ZFP82: variants seen among roughly 807,000 people sequenced by gnomAD.
ZFP82 encodes the protein ZFP82 zinc finger protein.
A neutral mutation model predicts 54.0 loss-of-function variants in ZFP82; 30 were observed. The observed-to-expected ratio is 0.56, with a 90% CI of 0.42 to 0.75. ZFP82 has a LOEUF of 0.75. Among genes scored for constraint, ZFP82 ranks in the 30% least tolerant of loss-of-function variants. The pLI is 0.00. For synonymous variants in ZFP82, 194 were observed against 209.5 expected (o/e 0.93, Z 0.64); for missense variants, 500 against 636.8 (o/e 0.79, Z 2.31).
chr19:36,388,266 T>C (rs1447134448), downstream of ZFP82, among the ~76,000 whole-genome samples: 3 of 152,212 alleles, frequency 2.0e-5, no homozygotes, highest in African/African-American at 7.2e-5. Flanking sequence ...TTAAGTAAAA[T>C]TGGCCCACAT....
chr19:36,408,618 G>A (rs971629417), intron 2 of ZFP82, among the ~76,000 whole-genome samples: 11 of 152,046 alleles, frequency 7.2e-5, no homozygotes, highest in African/African-American at 2.7e-4. Context: ...TCGGGAGTTC[G>A]AGACCAGCCT....
chr19:36,406,478 T>C (rs1165500119), intron 3 of ZFP82, among the ~76,000 whole-genome samples: 2 of 152,224 alleles, frequency 1.3e-5, no homozygotes, highest in Non-Finnish European at 2.9e-5. Flanking sequence ...GGGCATTTCA[T>C]ATAAATAGAA....
At position 36,415,563 on chromosome 19, in the gene ZFP82, T is replaced by C. The variant is rs375839443; in HGVS notation, c.-79+2929A>G. On this transcript the variant is annotated intron_variant, in intron 1 of 4. Transcript: ENST00000392161. ...CCACTGTGCCCAGCTAATTTTTCTA[T>C]TTTTAGTAGAGACAGGTTTTACCAT... Among the ~76,000 whole-genome samples the C allele has an allele frequency of 1.8e-4, 27 of 152,244 alleles. No homozygotes were observed. In the South Asian group the frequency reaches 5.4e-3, roughly 30 times the overall value.
At chr19:36,410,002 CAT>C in intron 1 of ZFP82, 135 bp from the exon 2 acceptor site, 1 of 541,014 alleles carries the variant, frequency 1.8e-6, no homozygotes. Context: ...CGCACACACA[CAT>C]AGGCAGAGAG....
At chr19:36,395,713 C>G (rs2032281575) in intron 4 of ZFP82, 3 of 148,726 alleles carry the variant, frequency 2.0e-5, no homozygotes, top group African/African-American at 7.5e-5. Context: ...AATCTAGACA[C>G]AAAACTAGGA....
chr19:36,417,216 G>A (rs2032688764), intron 1 of ZFP82, among the ~76,000 whole-genome samples: 1 of 151,600 alleles, frequency 6.6e-6, no homozygotes, highest in African/African-American at 2.4e-5. Context: ...GAAGGCTGAT[G>A]TAGAATTGCT....
intron 4 of ZFP82, among the ~76,000 whole-genome samples, chr19:36,402,559 TACAA>T (rs1361370035): frequency 1.3e-5 from 2 of 151,522 alleles, no homozygotes; most frequent in African/African-American, 2.4e-5. Flanking sequence ...GATAGAACAT[TACAA>T]ACAGTGTAGG....
At chr19:36,413,780 T>C (rs1183953954) in intron 1 of ZFP82, among the ~76,000 whole-genome samples, 1 of 152,224 alleles carries the variant, frequency 6.6e-6, no homozygotes, top group Non-Finnish European at 1.5e-5. Flanking sequence ...CCTTATAGGG[T>C]TGTTGTGAAG....
chr19:36,409,346 G>C (rs1011905549), intron 2 of ZFP82, among the ~76,000 whole-genome samples: 1 of 151,794 alleles, frequency 6.6e-6, no homozygotes, highest in Non-Finnish European at 1.5e-5. Context: ...AGCTTCATTG[G>C]AGCCTCAAAC....
At position 36,418,634 on chromosome 19, in the gene ZFP82, C is replaced by A. The variant is rs1212673875; in HGVS notation, c.-221G>T. On this transcript the variant is annotated 5_prime_UTR_variant, in exon 1 of 5. Coordinates refer to ENST00000392161, the MANE Select transcript of ZFP82 (RefSeq NM_133466.4). ...AGCCGCTGCCGGGTCACGCCACAAT[C>A]CCCGGGGCCTAACGGGCTGCGCGCG... 2 of 152,426 alleles carry A rather than the reference C, an allele frequency of 1.3e-5. No homozygotes were observed. The highest frequency in any genetic ancestry group is 2.9e-5 in the Non-Finnish European group (2 of 68,200). 9.4% of individuals were successfully genotyped at this position (152,426 alleles called of 1,614,324 possible).
chr19:36,402,139 G>A (rs557842664), intron 4 of ZFP82, among the ~76,000 whole-genome samples: 3 of 152,246 alleles, frequency 2.0e-5, no homozygotes, highest in African/African-American at 7.2e-5. Flanking sequence ...GTTAATAATT[G>A]CAAATGTCAT....
At position 36,409,768 on chromosome 19, in the gene ZFP82, G is replaced by GA. The variant is rs1006027784; in HGVS notation, c.9+12dup. 11 of 1,613,570 alleles carry GA rather than the reference G, an allele frequency of 6.8e-6. No individual in the cohort carries two copies. The highest frequency in any genetic ancestry group is 9.3e-6 in the Non-Finnish European group (11 of 1,179,722). On this transcript the variant is annotated intron_variant, in intron 2 of 4. Coordinates refer to ENST00000392161, the MANE Select transcript of ZFP82 (RefSeq NM_133466.4). Reference sequence around the variant, plus strand: ...TAACATGATAGTATTCCTAGGAGGAGAAAAAAACTTACAAGGGCCATGGTA... The same window carrying GA: ...TAACATGATAGTATTCCTAGGAGGAGAAAAAAAACTTACAAGGGCCATGGTA...
At chr19:36,386,658 C>T (rs1453633779), downstream of ZFP82, among the ~76,000 whole-genome samples, 1 of 152,234 alleles carries the variant, frequency 6.6e-6, no homozygotes, top group Non-Finnish European at 1.5e-5. Context: ...TGTTGTTTGG[C>T]TGGGTGCGCT....
Position 36,389,338 on chromosome 19 carries a change from C to T in ZFP82, c.*3403G>A, listed in dbSNP as rs2032156012. On this transcript the variant is annotated 3_prime_UTR_variant, in exon 5 of 5. Coordinates refer to ENST00000392161, the MANE Select transcript of ZFP82 (RefSeq NM_133466.4). The stretch of plus-strand genomic sequence containing the variant: ...CAGGCATGAGCCACCACGCCTGGCC[C>T]AAACTTGATTTTCTACTTTAAAAAA... Among the ~76,000 whole-genome samples the T allele has an allele frequency of 6.6e-6, 1 of 152,034 alleles. No individual in the cohort carries two copies. Among genetic ancestry groups the T allele is most frequent in the African/African-American group, 2.4e-5 (1 of 41,400 alleles).
chr19:36,411,829 C>T (rs1405429477), intron 1 of ZFP82, among the ~76,000 whole-genome samples: 1 of 143,470 alleles, frequency 7.0e-6, no homozygotes, highest in Non-Finnish European at 1.5e-5. Flanking sequence ...CATGCCACTG[C>T]ACTCCAGCCT....
intron 3 of ZFP82, among the ~76,000 whole-genome samples, chr19:36,407,108 G>A (rs1451444207): frequency 1.6e-5 from 2 of 121,898 alleles, no homozygotes; most frequent in East Asian, 4.6e-4. Context: ...ACGGAGTCTC[G>A]CTCTGTCGCC....
intron 3 of ZFP82, among the ~76,000 whole-genome samples, chr19:36,406,688 C>T (rs1259546227): frequency 9.2e-5 from 14 of 152,146 alleles, no homozygotes; most frequent in Non-Finnish European, 1.5e-4. Context: ...TTTGTATAGA[C>T]ACATTTTTAT....
intron 4 of ZFP82, chr19:36,394,925 C>T (rs1241722754): frequency 6.6e-6 from 1 of 152,306 alleles, no homozygotes; most frequent in East Asian, 1.9e-4. Flanking sequence ...CAGAAACAAT[C>T]CCTAGTTAAC....
intron 4 of ZFP82, among the ~76,000 whole-genome samples, chr19:36,396,517 G>T (rs1487961127): frequency 6.6e-6 from 1 of 152,004 alleles, no homozygotes; most frequent in Non-Finnish European, 1.5e-5. Flanking sequence ...TGAGCTGGGC[G>T]GGGTGTCAGG....
Sources: gnomAD v4.1 joint callset for allele counts (sites outside exome capture counted in the v4.1 genomes callset) on GRCh38, gnomAD v4.1.1 for gene constraint, MANE v1.5 for transcripts, NCBI Gene and HGNC (gene_info 2026-07-23, HGNC 2026-07-21) for gene names.